The following NLRP7 variants were observed in gnomAD, a reference collection of about 807,000 sequenced individuals.
NLRP7 encodes the protein NLR family pyrin domain containing 7, also known as NACHT, LRR and PYD domains-containing protein 7.
NLRP7 carries 72 observed loss-of-function variants against 85.5 expected under a neutral mutation model. The observed-to-expected ratio is 0.84, with a 90% CI of 0.70 to 1.02. NLRP7 has a LOEUF of 1.02. Among genes scored for constraint, NLRP7 ranks in the 50% least tolerant of loss-of-function variants. The pLI is 0.00. For synonymous variants in NLRP7, 550 were observed against 505.2 expected (o/e 1.09, Z -1.19); for missense variants, 1,243 against 1,219.5 (o/e 1.02, Z -0.29).
chr19:54,927,564 AAAAACAAAAAAC>A (rs2068497177), intron 9 of NLRP7, 29 bp downstream of exon 10: 2 of 1,555,040 alleles, frequency 1.3e-6, no homozygotes, highest in Non-Finnish European at 1.7e-6. Context: ...TCAAAAAAAC[AAAAACAAAAAAC>A]AAAACAAAAC....
intron 1 of NLRP7, among the ~76,000 whole-genome samples, chr19:54,963,533 CA>C (rs202163494): frequency 2.0e-5 from 3 of 150,812 alleles, no homozygotes; most frequent in Admixed American, 6.6e-5. Context: ...ACTAAAAATA[CA>C]AAAAAAAGGC....
At chr19:54,924,678 A>G (rs1031482865) in intron 9 of NLRP7, among the ~76,000 whole-genome samples, 4 of 151,276 alleles carry the variant, frequency 2.6e-5, no homozygotes, top group African/African-American at 7.3e-5. Context: ...ACTCACGCCT[A>G]TAATTCCAGC....
At chr19:54,960,389 C>T (rs2070001089) in intron 1 of NLRP7, among the ~76,000 whole-genome samples, 1 of 151,614 alleles carries the variant, frequency 6.6e-6, no homozygotes, top group African/African-American at 2.4e-5. Flanking sequence ...CTCCTGACCT[C>T]AAGTGATCCA....
intron 1 of NLRP7, among the ~76,000 whole-genome samples, chr19:54,964,740 C>G (rs1457053530): frequency 7.0e-6 from 1 of 143,472 alleles, no homozygotes; most frequent in Non-Finnish European, 1.5e-5. Context: ...GCAGGGGAAT[C>G]ACTTGAAGCC....
intron 1 of NLRP7, among the ~76,000 whole-genome samples, chr19:54,944,665 G>A (rs897263953): frequency 6.6e-6 from 1 of 152,084 alleles, no homozygotes; most frequent in Non-Finnish European, 1.5e-5. Flanking sequence ...CACCCCTTCA[G>A]TGAGGTATAA....
At chr19:54,936,919 G>C (rs1185396890) in intron 5 of NLRP7, among the ~76,000 whole-genome samples, 9 of 139,226 alleles carry the variant, frequency 6.5e-5, no homozygotes, top group Admixed American at 5.7e-4. Context: ...CATCTCAAAA[G>C]AAAAAAAAAT....
At chr19:54,926,916 TAAAAAAAAAAAA>T in intron 9 of NLRP7, among the ~76,000 whole-genome samples, 1 of 26,656 alleles carries the variant, frequency 3.8e-5, no homozygotes, top group East Asian at 2.4e-3. Flanking sequence ...ACTCTGTCTT[TAAAAAAAAAAAA>T]AAAAAAAAAA....
rs1370352680 is a variant in NLRP7 at position 54,928,625 on chromosome 19, C to T, written c.2810+1874G>A. Among the ~76,000 whole-genome samples the T allele has an allele frequency of 2.6e-5, 4 of 152,194 alleles. No homozygotes were observed. The East Asian group carries it at 7.7e-4, about 29-fold the overall frequency. ...GACTTATGCTGGTCATTTAAGTCCTCTTTTGGAAAGTGATATGAGGAAAGA... is the reference window on the plus strand; with the variant it reads ...GACTTATGCTGGTCATTTAAGTCCTTTTTTGGAAAGTGATATGAGGAAAGA... On this transcript the variant is annotated intron_variant, in intron 9 of 9. Transcript: ENST00000340844.
intron 2 of NLRP7, 61 bp from the exon 3 acceptor site, chr19:54,941,066 T>C (rs555010536): frequency 4.9e-5 from 62 of 1,254,968 alleles, no homozygotes; most frequent in African/African-American, 7.3e-5. Context: ...TCAGACATTA[T>C]TGTACATAAA....
rs1338203057 is a variant in NLRP7, at chr19:54,923,817, C to A, written c.2866G>T (p.Glu956Ter). Residue 956 changes from glutamate (E) to a stop codon, truncating the protein, a stop_gained, in exon 10 of 10, where the codon GAA (glutamate) becomes TAA (stop). Transcript: ENST00000340844. LOFTEE classifies it low-confidence loss of function (END_TRUNC). ...TCAATAGTCAGCTTGGGATTCTTTT[C>A]TTTCACTTCCTCCAACAGCTTCTTG... The A allele has an allele frequency of 1.2e-6, 2 of 1,613,968 alleles. No individual in the cohort carries two copies. The highest frequency in any genetic ancestry group is 8.5e-7 in the Non-Finnish European group (1 of 1,179,952).
intron 1 of NLRP7, among the ~76,000 whole-genome samples, chr19:54,947,142 T>C (rs531775776): frequency 2.0e-5 from 3 of 151,972 alleles, no homozygotes. Flanking sequence ...CTGGCCAACA[T>C]GGTGAGACCC....
chr19:54,939,181 G>C (rs1244707017), exon 4 of NLRP7: 2 of 1,614,106 alleles, frequency 1.2e-6, no homozygotes, highest in African/African-American at 2.7e-5. Flanking sequence ...ATTCCTGTTT[G>C]ATGTCCGGTG....
intron 9 of NLRP7, among the ~76,000 whole-genome samples, chr19:54,926,858 C>A (rs970363185): frequency 1.4e-5 from 2 of 145,852 alleles, no homozygotes; most frequent in Non-Finnish European, 1.5e-5. Context: ...AGAGGTTGCA[C>A]TGAGCCGAGA....
At chr19:54,924,093 G>A (rs1427164368) in intron 9 of NLRP7, among the ~76,000 whole-genome samples, 1 of 152,102 alleles carries the variant, frequency 6.6e-6, no homozygotes, top group Non-Finnish European at 1.5e-5. Context: ...TCAGGCTCCT[G>A]AGTAACTGTG....
intron 1 of NLRP7, 112 bp downstream of exon 1, chr19:54,947,357 A>G (rs1335746948): frequency 2.7e-6 from 2 of 746,192 alleles, no homozygotes; most frequent in East Asian, 6.6e-5. Flanking sequence ...TCCTTCCAGC[A>G]TCCTCGCACC....
chr19:54,945,458 C>T (rs1425976513), intron 1 of NLRP7, among the ~76,000 whole-genome samples: 2 of 151,128 alleles, frequency 1.3e-5, no homozygotes, highest in East Asian at 2.0e-4. Context: ...TTAGTACAAA[C>T]GGGGTTTCAC....
At chr19:54,925,391 A>T (rs918042074) in intron 9 of NLRP7, among the ~76,000 whole-genome samples, 5 of 152,188 alleles carry the variant, frequency 3.3e-5, no homozygotes, top group Non-Finnish European at 7.3e-5. Context: ...AGACGTGTGA[A>T]AAATCGTACC....
At chr19:54,950,056 A>G (rs988105779), upstream of NLRP7, among the ~76,000 whole-genome samples, 2 of 151,700 alleles carry the variant, frequency 1.3e-5, no homozygotes, top group African/African-American at 4.8e-5. Context: ...GAGCTGAGAT[A>G]GCGCCACTGC....
At chr19:54,929,836 C>A (rs1296959177) in intron 9 of NLRP7, among the ~76,000 whole-genome samples, 1 of 151,970 alleles carries the variant, frequency 6.6e-6, no homozygotes, top group Non-Finnish European at 1.5e-5. Context: ...AGAAATTGGC[C>A]GGGCGTGGTG....
Sources: gnomAD v4.1 joint callset for allele counts (sites outside exome capture counted in the v4.1 genomes callset) on GRCh38, gnomAD v4.1.1 for gene constraint, MANE v1.5 for transcripts, NCBI Gene and HGNC (gene_info 2026-07-23, HGNC 2026-07-21) for gene names.